The following MCF2L2 variants were observed in gnomAD, a reference collection of about 807,000 sequenced individuals.
MCF2L2 encodes the protein probable guanine nucleotide exchange factor MCF2L2.
MCF2L2 carries 102 observed loss-of-function variants against 150.2 expected under a neutral mutation model. The ratio of observed to expected loss-of-function variants is 0.68; its 90% confidence interval spans 0.58 to 0.80. The LOEUF (loss-of-function observed/expected upper bound fraction) is 0.80. MCF2L2 is among the 30% of genes least tolerant of loss of function. The pLI is 0.00. For missense variants in MCF2L2, 1,256 were observed against 1,372.8 expected (o/e 0.91, Z 1.34); for synonymous variants, 465 against 491.3 (o/e 0.95, Z 0.71).
At chr3:183,361,370 T>C (rs1357772399) in intron 3 of MCF2L2, among the ~76,000 whole-genome samples, 1 of 152,234 alleles carries the variant, frequency 6.6e-6, no homozygotes, top group Non-Finnish European at 1.5e-5. Flanking sequence ...AAATCTCATG[T>C]GGAATTGTAA....
chr3:183,346,908 G>A (rs1272808239), intron 3 of MCF2L2, among the ~76,000 whole-genome samples: 1 of 152,138 alleles, frequency 6.6e-6, no homozygotes, highest in African/African-American at 2.4e-5. Context: ...AAATAAGAGA[G>A]GACCCAAACA....
intron 11 of MCF2L2, chr3:183,298,257 T>C (rs1728641063): frequency 6.6e-6 from 1 of 152,244 alleles, no homozygotes. Flanking sequence ...GGAGCCCTTA[T>C]GCTACCTGAA....
chr3:183,383,863 T>C (rs1713678151), intron 2 of MCF2L2, among the ~76,000 whole-genome samples: 1 of 152,244 alleles, frequency 6.6e-6, no homozygotes, highest in South Asian at 2.1e-4. Context: ...ATTTCCCAGC[T>C]TCCCTTGCTG....
chr3:183,400,787 A>G (rs558168411), intron 1 of MCF2L2, among the ~76,000 whole-genome samples: 76 of 152,148 alleles, frequency 5.0e-4, no homozygotes, highest in African/African-American at 1.7e-3. Context: ...ACATCATCAC[A>G]AGACACAAAT....
At chr3:183,321,609 A>G (rs978976613) in intron 6 of MCF2L2, among the ~76,000 whole-genome samples, 9 of 152,330 alleles carry the variant, frequency 5.9e-5, no homozygotes, top group African/African-American at 1.4e-4. Flanking sequence ...ACGAAACTTC[A>G]ATTTAAAAAA....
In MCF2L2 at chr3:183,228,338, C is replaced by A; in HGVS notation, c.2074G>T (p.Ala692Ser). The A allele has an allele frequency of 6.2e-7, 1 of 1,613,336 alleles. No individual in the cohort carries two copies. Among genetic ancestry groups the A allele is most frequent in the Non-Finnish European group, 8.5e-7 (1 of 1,179,492 alleles). ...RTFLKELEKC[A>S]ENPELLAHCF... The stretch of plus-strand genomic sequence containing the variant: ...TGTGCCAGAAGTTCAGGGTTCTCAG[C>A]ACACTTTTCCAACTCTTTTAGAAAA... Residue 692 changes from alanine to serine, a missense_variant, in exon 18 of 30, where the codon GCT becomes TCT. By Grantham distance (99) the Ala-to-Ser change is moderately conservative. Transcript: ENST00000328913.
chr3:183,324,439 A>G (rs138074855), intron 5 of MCF2L2, among the ~76,000 whole-genome samples: 1 of 152,314 alleles, frequency 6.6e-6, no homozygotes, highest in East Asian at 1.9e-4. Flanking sequence ...GCCTTTAACT[A>G]TGACATTATA....
At chr3:183,397,406 G>A (rs1263440197) in intron 1 of MCF2L2, among the ~76,000 whole-genome samples, 2 of 152,174 alleles carry the variant, frequency 1.3e-5, no homozygotes, top group African/African-American at 4.8e-5. Context: ...GGAAGAGGGA[G>A]GCAGCTGTCT....
At chr3:183,310,828 A>G in intron 9 of MCF2L2, 87 bp downstream of exon 9, 1 of 846,790 alleles carries the variant, frequency 1.2e-6, no homozygotes, top group Non-Finnish European at 1.9e-6. Flanking sequence ...GAAAAGAGGG[A>G]AACCCCATAC....
chr3:183,344,475 C>CCAAAATGTAAAGACCAT (rs1730822755), intron 3 of MCF2L2, among the ~76,000 whole-genome samples: 1 of 152,072 alleles, frequency 6.6e-6, no homozygotes, highest in Non-Finnish European at 1.5e-5. Flanking sequence ...CAAAAACATA[C>CCAAAATGTAAAGACCAT]CAAAATGTAA....
intron 14 of MCF2L2, among the ~76,000 whole-genome samples, chr3:183,279,193 T>C (rs746413957): frequency 3.4e-4 from 51 of 150,584 alleles, no homozygotes; most frequent in Non-Finnish European, 6.8e-4. Flanking sequence ...ACACATTTTT[T>C]CATTTACATC....
At chr3:183,264,219 T>A (rs981255243) in intron 15 of MCF2L2, among the ~76,000 whole-genome samples, 13 of 152,200 alleles carry the variant, frequency 8.5e-5, no homozygotes, top group Admixed American at 2.0e-4. Context: ...AAATCTTCTA[T>A]CTGCCATACA....
chr3:183,228,503 C>G, intron 17 of MCF2L2, 137 bp from the exon 18 acceptor site: 1 of 511,510 alleles, frequency 2.0e-6, no homozygotes, highest in Non-Finnish European at 3.5e-6. Flanking sequence ...TTATCTTCTA[C>G]ACATTGATTC....
At chr3:183,378,030 A>G (rs536541677) in intron 3 of MCF2L2, 1 of 152,252 alleles carries the variant, frequency 6.6e-6, no homozygotes, top group Admixed American at 6.5e-5. Context: ...AGAAAAAACT[A>G]AAGAAAAAGG....
intron 5 of MCF2L2, among the ~76,000 whole-genome samples, chr3:183,334,679 G>C (rs923470912): frequency 2.0e-5 from 3 of 151,718 alleles, no homozygotes; most frequent in African/African-American, 7.3e-5. Flanking sequence ...TGTAATCCCA[G>C]CTACTCGGGA....
chr3:183,336,442 G>A (rs1263726547), intron 5 of MCF2L2, among the ~76,000 whole-genome samples: 3 of 152,028 alleles, frequency 2.0e-5, no homozygotes, highest in Non-Finnish European at 4.4e-5. Context: ...AATCACTATA[G>A]ACTCATGTTA....
chr3:183,354,800 T>C (rs942178594), intron 3 of MCF2L2, among the ~76,000 whole-genome samples: 1 of 152,196 alleles, frequency 6.6e-6, no homozygotes, highest in Non-Finnish European at 1.5e-5. Context: ...GGCGTCGTGG[T>C]CCTTACATTT....
At chr3:183,379,197 A>G (rs1012435224) in intron 3 of MCF2L2, 100 bp downstream of exon 3, 2 of 783,904 alleles carry the variant, frequency 2.6e-6, no homozygotes, top group Non-Finnish European at 2.0e-6. Flanking sequence ...ACCAGGGTAC[A>G]CCATGCTCAT....
intron 1 of MCF2L2, among the ~76,000 whole-genome samples, chr3:183,409,631 T>A (rs139383854): frequency 0.013 from 1,969 of 149,726 alleles, 32 homozygotes; most frequent in African/African-American, 0.046. Flanking sequence ...CTCAGCTCAC[T>A]GCAACCTCCA....
Sources: allele counts gnomAD v4.1 joint callset (sites outside exome capture counted in the v4.1 genomes callset), GRCh38; gene constraint gnomAD v4.1.1; transcripts MANE v1.5; gene names NCBI Gene and HGNC (gene_info 2026-07-23, HGNC 2026-07-21).